Variants in SLCO6A1 observed in about 807,000 individuals in gnomAD.
SLCO6A1 encodes solute carrier organic anion transporter family member 6A1.
SLCO6A1 carries 65 observed loss-of-function variants against 72.7 expected under a neutral mutation model. That is an observed-to-expected ratio of 0.89 (90% CI 0.73 to 1.10). The LOEUF is 1.10. SLCO6A1 is among the 50% of genes least tolerant of loss of function. The probability of loss-of-function intolerance (pLI) is 0.00; values close to 1 mark genes in which losing one functional copy is unlikely to be tolerated. For synonymous variants in SLCO6A1, 314 were observed against 298.2 expected (o/e 1.05, Z -0.55); for missense variants, 874 against 872.6 (o/e 1.00, Z -0.02).
intron 8 of SLCO6A1, among the ~76,000 whole-genome samples, chr5:102,415,004 A>G (rs1381612665): frequency 6.6e-6 from 1 of 152,040 alleles, no homozygotes; most frequent in Non-Finnish European, 1.5e-5. Flanking sequence ...AATATATTAA[A>G]CTAACAAGGT....
chr5:102,493,694 T>A (rs994168964), intron 1 of SLCO6A1, among the ~76,000 whole-genome samples: 22 of 152,142 alleles, frequency 1.4e-4, no homozygotes, highest in Admixed American at 6.5e-5. Flanking sequence ...TGGGAAGAAG[T>A]AAAACTGTCC....
chr5:102,437,237 C>G (rs1749589827), intron 7 of SLCO6A1, among the ~76,000 whole-genome samples: 1 of 152,168 alleles, frequency 6.6e-6, no homozygotes, highest in African/African-American at 2.4e-5. Flanking sequence ...AACATTATTA[C>G]AGATGATAAA....
At chr5:102,491,577 GC>G (rs1250549127) in intron 1 of SLCO6A1, among the ~76,000 whole-genome samples, 1 of 152,238 alleles carries the variant, frequency 6.6e-6, no homozygotes, top group Non-Finnish European at 1.5e-5. Context: ...GAACACAACA[GC>G]TGCTGGCCCA....
intron 5 of SLCO6A1, among the ~76,000 whole-genome samples, chr5:102,459,361 A>G (rs575320071): frequency 4.6e-5 from 7 of 152,290 alleles, no homozygotes; most frequent in African/African-American, 1.4e-4. Flanking sequence ...TTGAGTCTGC[A>G]GTGATCTGTG....
At chr5:102,462,956 A>T (rs1251659908) in intron 4 of SLCO6A1, among the ~76,000 whole-genome samples, 2 of 152,244 alleles carry the variant, frequency 1.3e-5, no homozygotes, top group Non-Finnish European at 2.9e-5. Flanking sequence ...TCTGCACAGC[A>T]AAAGAAATAA....
chr5:102,402,669 T>C (rs1417538954), intron 9 of SLCO6A1, among the ~76,000 whole-genome samples: 4 of 152,168 alleles, frequency 2.6e-5, no homozygotes, highest in Admixed American at 1.3e-4. Flanking sequence ...ACTGTTTTTA[T>C]AGCAACCCAC....
At chr5:102,438,427 A>C in intron 7 of SLCO6A1, 190 bp downstream of exon 7, 1 of 401,538 alleles carries the variant, frequency 2.5e-6, no homozygotes. Context: ...AGGAACACGG[A>C]AGTTTTTACA....
chr5:102,457,400 T>C (rs1750784303), intron 6 of SLCO6A1, among the ~76,000 whole-genome samples: 1 of 150,886 alleles, frequency 6.6e-6, no homozygotes, highest in South Asian at 2.1e-4. Context: ...TCAAACAAAT[T>C]TACAAGAAAA....
intron 9 of SLCO6A1, among the ~76,000 whole-genome samples, chr5:102,402,978 C>A (rs973180219): frequency 3.9e-5 from 6 of 152,072 alleles, no homozygotes; most frequent in African/African-American, 1.2e-4. Flanking sequence ...CTCTGAAAAC[C>A]AAAGAATTTT....
In SLCO6A1 at chr5:102,423,482, T is replaced by A. The variant is rs1251978930; in HGVS notation, c.1277-3461A>T. Among the ~76,000 whole-genome samples, 3 of 152,160 alleles carry A rather than the reference T, an allele frequency of 2.0e-5. No individual in the cohort carries two copies. In the East Asian group the frequency reaches 5.8e-4, roughly 29 times the overall value. ...AAAAGCAGTGGTTGCAGTCCTAGTCTCTGATAAAACAGACTTTAAACCAAC... is the reference window on the plus strand; with the variant it reads ...AAAAGCAGTGGTTGCAGTCCTAGTCACTGATAAAACAGACTTTAAACCAAC... On this transcript the variant is annotated intron_variant, in intron 7 of 13. Transcript: ENST00000506729.
intron 6 of SLCO6A1, among the ~76,000 whole-genome samples, chr5:102,451,668 C>G (rs1016007167): frequency 6.6e-6 from 1 of 152,140 alleles, no homozygotes; most frequent in Non-Finnish European, 1.5e-5. Flanking sequence ...GTTTCCCCTC[C>G]GTGGGGAGCC....
intron 1 of SLCO6A1, among the ~76,000 whole-genome samples, chr5:102,493,590 A>G (rs1752781784): frequency 6.6e-6 from 1 of 152,192 alleles, no homozygotes; most frequent in African/African-American, 2.4e-5. Flanking sequence ...AAAAATATCA[A>G]TGAACATTGC....
Position 102,428,196 on chromosome 5 carries a change from C to T in SLCO6A1, c.1277-8175G>A, listed in dbSNP as rs1039217394. ...AAACTCTCAATATTATTTCTATCTT[C>T]AAGATATCTAAAACTGTTCAAAAAA... On this transcript the variant is annotated intron_variant, in intron 7 of 13. Coordinates refer to ENST00000506729, the MANE Select transcript of SLCO6A1 (RefSeq NM_173488.5). 3.4e-4 allele frequency among the ~76,000 whole-genome samples: 51 copies of T among 151,404 alleles called. 1 individual carries two copies. Among genetic ancestry groups the T allele is most frequent in the African/African-American group, 1.2e-3 (48 of 41,188 alleles).
chr5:102,444,242 AG>A (rs1433178293), intron 6 of SLCO6A1, among the ~76,000 whole-genome samples: 2 of 152,234 alleles, frequency 1.3e-5, no homozygotes. Context: ...CAAGGAGGAA[AG>A]GGTTTGTAAA....
At chr5:102,428,319 AT>A (rs1324315309) in intron 7 of SLCO6A1, among the ~76,000 whole-genome samples, 1 of 152,122 alleles carries the variant, frequency 6.6e-6, no homozygotes, top group Non-Finnish European at 1.5e-5. Flanking sequence ...CAGAAAAACA[AT>A]TGTTTGAAAA....
intron 3 of SLCO6A1, among the ~76,000 whole-genome samples, chr5:102,477,195 C>T (rs1450596011): frequency 6.6e-6 from 1 of 152,038 alleles, no homozygotes; most frequent in African/African-American, 2.4e-5. Flanking sequence ...GATCTTGGCT[C>T]GCTGCAATCT....
At chr5:102,468,134 C>CA (rs1751402097) in intron 4 of SLCO6A1, among the ~76,000 whole-genome samples, 1 of 151,960 alleles carries the variant, frequency 6.6e-6, no homozygotes, top group Non-Finnish European at 1.5e-5. Context: ...CATGTATTTG[C>CA]ATGGTTTTGA....
At chr5:102,472,283 C>T (rs979849579) in intron 4 of SLCO6A1, among the ~76,000 whole-genome samples, 7 of 152,100 alleles carry the variant, frequency 4.6e-5, no homozygotes, top group African/African-American at 1.7e-4. Flanking sequence ...GTTACCAAAA[C>T]GTTATACTAG....
intron 9 of SLCO6A1, among the ~76,000 whole-genome samples, chr5:102,403,538 T>C (rs1281679541): frequency 1.3e-5 from 2 of 152,182 alleles, no homozygotes; most frequent in Admixed American, 6.5e-5. Flanking sequence ...CCCATTTGTA[T>C]AGAAAAGACT....
Sources: allele counts gnomAD v4.1 joint callset (sites outside exome capture counted in the v4.1 genomes callset), GRCh38; gene constraint gnomAD v4.1.1; transcripts MANE v1.5; gene names NCBI Gene and HGNC (gene_info 2026-07-23, HGNC 2026-07-21).